The following LPP variants were observed in gnomAD, a reference collection of about 807,000 sequenced individuals.
LPP encodes the protein lipoma-preferred partner.
LPP carries 38 observed loss-of-function variants against 60.4 expected under a neutral mutation model. That is an observed-to-expected ratio of 0.63 (90% confidence interval 0.49 to 0.83). LPP has a LOEUF of 0.83. Among genes scored for constraint, LPP ranks in the 40% least tolerant of loss-of-function variants. The pLI is 0.00. For synonymous variants in LPP, 328 were observed against 290.8 expected (o/e 1.13, Z -1.30); for missense variants, 902 against 783.6 (o/e 1.15, Z -1.80).
chr3:188,622,518 A>C (rs1302455996), intron 7 of LPP, among the ~76,000 whole-genome samples: 1 of 152,184 alleles, frequency 6.6e-6, no homozygotes, highest in Non-Finnish European at 1.5e-5. Context: ...ATGTGGAGGA[A>C]ATATGTGGTT....
At chr3:188,317,785 A>T (rs562679325) in intron 2 of LPP, among the ~76,000 whole-genome samples, 4 of 56,672 alleles carry the variant, frequency 7.1e-5, no homozygotes, top group Non-Finnish European at 1.1e-4. Flanking sequence ...GCTGTCTTGA[A>T]TTGGGGGGAA....
intron 1 of LPP, among the ~76,000 whole-genome samples, 117 bp downstream of exon 1, chr3:188,154,369 G>A (rs911439283): frequency 1.3e-5 from 2 of 152,092 alleles, no homozygotes; most frequent in African/African-American, 4.8e-5. Flanking sequence ...CGCGCGCCCT[G>A]CTCTGGCCTG....
intron 6 of LPP, among the ~76,000 whole-genome samples, chr3:188,526,377 C>T (rs1315747821): frequency 6.6e-6 from 1 of 152,112 alleles, no homozygotes; most frequent in African/African-American, 2.4e-5. Context: ...TCACTGAAAC[C>T]TCCACCTCCT....
At chr3:188,494,901 G>A (rs950853535) in intron 5 of LPP, among the ~76,000 whole-genome samples, 1 of 151,008 alleles carries the variant, frequency 6.6e-6, no homozygotes, top group African/African-American at 2.4e-5. Flanking sequence ...TTATGTAATT[G>A]ACATGTCCTA....
chr3:188,776,839 G>C (rs895792147), intron 9 of LPP, among the ~76,000 whole-genome samples: 3 of 152,120 alleles, frequency 2.0e-5, no homozygotes, highest in Admixed American at 6.5e-5. Flanking sequence ...CTGAAGCCCT[G>C]TAAGACTGTA....
At chr3:188,293,198 G>T (rs770812233) in intron 2 of LPP, among the ~76,000 whole-genome samples, 1 of 152,220 alleles carries the variant, frequency 6.6e-6, no homozygotes, top group Non-Finnish European at 1.5e-5. Context: ...GCACATTATA[G>T]GTATTTATTA....
At chr3:188,444,427 A>T (rs1453597637) in intron 4 of LPP, among the ~76,000 whole-genome samples, 1 of 152,220 alleles carries the variant, frequency 6.6e-6, no homozygotes, top group Non-Finnish European at 1.5e-5. Context: ...TTGATTGCAT[A>T]TTAAATAGGA....
intron 6 of LPP, among the ~76,000 whole-genome samples, chr3:188,570,990 G>C (rs1038928050): frequency 6.6e-6 from 1 of 152,090 alleles, no homozygotes; most frequent in Non-Finnish European, 1.5e-5. Context: ...CATTTGATAA[G>C]TGTATAAAGA....
chr3:188,854,468 G>A lies in LPP; in HGVS notation c.1411-11732G>A, dbSNP rs73199036. On this transcript the variant is annotated intron_variant, in intron 9 of 11. Coordinates refer to ENST00000617246, the MANE Select transcript of LPP (RefSeq NM_001375462.1). ...TTCGGAAGGGAACCGCACAGTCACAGCCATGATGTTGGCATGTCTTTATGG... is the reference window on the plus strand; with the variant it reads ...TTCGGAAGGGAACCGCACAGTCACAACCATGATGTTGGCATGTCTTTATGG... 2.9e-3 allele frequency among the ~76,000 whole-genome samples: 437 copies of A among 152,324 alleles called. 5 individuals carry two copies. The highest frequency in any genetic ancestry group is 0.027 in the Middle Eastern group (8 of 294).
chr3:188,352,120 G>A lies in LPP; in HGVS notation c.-10+10401G>A, dbSNP rs1578263104. ...CCTTCTCCTGACTTAACCTTGGGTG[G>A]CCGCAGGTCTTAAGGCTCTGTGATG... is the stretch of plus-strand genomic sequence containing the variant. On this transcript the variant is annotated intron_variant, in intron 3 of 11. Transcript: ENST00000617246. This position sits in a 1 kb window ranked among gnomAD's most constrained non-coding sequence, Gnocchi z 4.4. Among the ~76,000 whole-genome samples the A allele has an allele frequency of 6.6e-6, 1 of 152,110 alleles. No homozygotes were observed. Among genetic ancestry groups the A allele is most frequent in the South Asian group, 2.1e-4 (1 of 4,830 alleles).
At chr3:188,806,725 C>A (rs1202095006) in intron 9 of LPP, among the ~76,000 whole-genome samples, 1 of 151,798 alleles carries the variant, frequency 6.6e-6, no homozygotes, top group East Asian at 1.9e-4. Flanking sequence ...CTTTGATTTG[C>A]AATATACACC....
chr3:188,812,285 C>T (rs1486964345), intron 9 of LPP, among the ~76,000 whole-genome samples: 2 of 152,152 alleles, frequency 1.3e-5, no homozygotes, highest in African/African-American at 4.8e-5. Context: ...CTCCCCAATT[C>T]CTTTTATTGG....
intron 3 of LPP, among the ~76,000 whole-genome samples, chr3:188,396,889 G>C (rs1369137235): frequency 6.6e-6 from 1 of 152,196 alleles, no homozygotes; most frequent in Admixed American, 6.5e-5. Context: ...GAAGTTGTGG[G>C]AGGAGATTTT....
At chr3:188,578,925 G>T (rs1004714806) in intron 6 of LPP, among the ~76,000 whole-genome samples, 1 of 152,040 alleles carries the variant, frequency 6.6e-6, no homozygotes, top group African/African-American at 2.4e-5. Context: ...TGTTATAAAT[G>T]GTCATTCCTA....
chr3:188,405,803 A>G (rs961289515), intron 3 of LPP, among the ~76,000 whole-genome samples: 1 of 152,204 alleles, frequency 6.6e-6, no homozygotes, highest in Non-Finnish European at 1.5e-5. Flanking sequence ...AAGAGTGGCT[A>G]GGCACTAAAA....
intron 5 of LPP, among the ~76,000 whole-genome samples, chr3:188,523,055 C>T (rs905295286): frequency 1.3e-5 from 2 of 151,824 alleles, no homozygotes; most frequent in Non-Finnish European, 2.9e-5. Flanking sequence ...TTACAGGGGC[C>T]TGCCACCACA....
chr3:188,823,930 A>AC (rs1754678636), intron 9 of LPP, among the ~76,000 whole-genome samples: 2 of 152,132 alleles, frequency 1.3e-5, no homozygotes, highest in Admixed American at 6.6e-5. Flanking sequence ...GATTCTCAAA[A>AC]CCATTAGATC....
chr3:188,402,859 G>C (rs1243898069), intron 3 of LPP, among the ~76,000 whole-genome samples: 1 of 152,196 alleles, frequency 6.6e-6, no homozygotes. Flanking sequence ...CTCTTCCTTG[G>C]AGAAGTTAGG....
At chr3:188,620,228 A>T (rs1845564549) in intron 7 of LPP, among the ~76,000 whole-genome samples, 1 of 152,138 alleles carries the variant, frequency 6.6e-6, no homozygotes, top group South Asian at 2.1e-4. Flanking sequence ...TTCACAGTAT[A>T]TTTTACTGTA....
Sources: gnomAD v4.1 joint callset for allele counts (sites outside exome capture counted in the v4.1 genomes callset) on GRCh38, gnomAD v4.1.1 for gene constraint, Gnocchi (gnomAD v3.1) non-coding constraint, MANE v1.5 for transcripts, NCBI Gene and HGNC (gene_info 2026-07-23, HGNC 2026-07-21) for gene names.